The following GP2 variants were observed in gnomAD, a reference collection of about 807,000 sequenced individuals.
GP2 encodes pancreatic secretory granule membrane major glycoprotein GP2.
GP2 carries 58 observed loss-of-function variants against 60.8 expected under a neutral mutation model. The ratio of observed to expected loss-of-function variants is 0.95; its 90% CI spans 0.77 to 1.19. The LOEUF is 1.19. GP2 is among the 50% of genes most tolerant of loss of function. GP2 has a pLI of 0.00. For missense variants in GP2, 647 were observed against 667.4 expected (o/e 0.97, Z 0.34); for synonymous variants, 280 against 253.4 (o/e 1.10, Z -1.00).
intron 10 of GP2, among the ~76,000 whole-genome samples, chr16:20,313,420 G>A (rs368197067): frequency 1.2e-4 from 19 of 152,156 alleles, no homozygotes; most frequent in African/African-American, 4.6e-4. Context: ...AGCCTTTTAT[G>A]TACTCTTTCT....
rs201757204 is a variant in GP2, at chr16:20,314,641, T to C, written c.1546+16A>G. 1 of 1,547,332 alleles carries C rather than the reference T, an allele frequency of 6.5e-7. No homozygotes were observed. Among genetic ancestry groups the C allele is most frequent in the Non-Finnish European group, 8.9e-7 (1 of 1,119,028 alleles). On this transcript the variant is annotated intron_variant, in intron 10 of 10. Coordinates refer to ENST00000302555, the MANE Select transcript of GP2 (RefSeq NM_001502.4). ...AGTTGGGAAAGCTGTGGGAAAGGCA[T>C]GAGAAAATGATGTACCTGCAGTGCT...
chr16:20,327,099 G>A (rs1964555489), intron 1 of GP2, among the ~76,000 whole-genome samples: 1 of 152,190 alleles, frequency 6.6e-6, no homozygotes, highest in African/African-American at 2.4e-5. Flanking sequence ...ACCTCTGGAA[G>A]ACTTCAGTGG....
chr16:20,314,877 G>A (rs543863019), intron 9 of GP2, among the ~76,000 whole-genome samples, 176 bp from the exon 10 acceptor site: 13 of 152,282 alleles, frequency 8.5e-5, no homozygotes, highest in East Asian at 5.8e-4. Flanking sequence ...GACACTTTGC[G>A]TGCATCTTAG....
intron 5 of GP2, 36 bp from the exon 6 acceptor site, chr16:20,319,804 G>A: frequency 6.7e-7 from 1 of 1,498,668 alleles, no homozygotes; most frequent in East Asian, 2.3e-5. Flanking sequence ...AGATGTTTAT[G>A]TGTATGTGTA....
At chr16:20,313,113 T>C (rs940451103) in intron 10 of GP2, among the ~76,000 whole-genome samples, 6 of 152,160 alleles carry the variant, frequency 3.9e-5, no homozygotes, top group African/African-American at 1.4e-4. Context: ...AAAGAACCTT[T>C]TCATGTTTGG....
At chr16:20,323,448 A>C in intron 3 of GP2, 1 of 714,894 alleles carries the variant, frequency 1.4e-6, no homozygotes, top group Admixed American at 2.0e-5. Context: ...CAACAAGGAC[A>C]TTGTGAGCAT....
chr16:20,320,241 A>G (rs1292358482), intron 5 of GP2, 21 bp downstream of exon 5: 1 of 1,550,922 alleles, frequency 6.4e-7, no homozygotes, highest in African/African-American at 1.4e-5. Flanking sequence ...TTCTGGCAGC[A>G]GTGGTGTGAA....
chr16:20,326,365 G>C lies in GP2; in HGVS notation c.67C>G (p.Leu23Val). Residue 23 changes from leucine (L) to valine (V), a missense_variant, in exon 2 of 11, where the codon CTG (leucine) becomes GTG (valine). Transcript: ENST00000302555. Reference protein sequence around the residue: ...LLWLALVSCILTQASAVQRGY... With the variant: ...LLWLALVSCIVTQASAVQRGY... The stretch of plus-strand genomic sequence containing the variant: ...CGCTGCACTGCAGATGCCTGGGTCA[G>C]AATGCAGGAGACCAAGGCCAGCCAC... The C allele has an allele frequency of 6.2e-7, 1 of 1,613,770 alleles. No individual in the cohort carries two copies. Among genetic ancestry groups the C allele is most frequent in the Non-Finnish European group, 8.5e-7 (1 of 1,179,656 alleles).
chr16:20,323,403 C>G, intron 3 of GP2: 1 of 718,016 alleles, frequency 1.4e-6, no homozygotes, highest in East Asian at 2.7e-5. Context: ...GGGAGAGGAT[C>G]AAATGAGTTA....
rs1401513531 is a variant in GP2, at chr16:20,317,390, G to A, written c.1254-15C>T. The A allele has an allele frequency of 1.2e-6, 2 of 1,608,576 alleles. No homozygotes were observed. Among genetic ancestry groups the A allele is most frequent in the Admixed American group, 3.3e-5 (2 of 59,806 alleles). Reference sequence around the variant, plus strand: ...GATTTGAGCAGCTGGGAGGGTGACAGGGGCAAAGGTGTAACTTCTAAAAAC... The same window carrying A: ...GATTTGAGCAGCTGGGAGGGTGACAAGGGCAAAGGTGTAACTTCTAAAAAC... On this transcript the variant is annotated splice_polypyrimidine_tract_variant and intron_variant, in intron 7 of 10. Coordinates refer to ENST00000302555, the MANE Select transcript of GP2 (RefSeq NM_001502.4).
At chr16:20,312,656 C>CT (rs200478553) in intron 10 of GP2, among the ~76,000 whole-genome samples, 15,514 of 144,360 alleles carry the variant, frequency 0.11, 1,883 homozygotes, top group African/African-American at 0.31. Context: ...CTTCAAGCTG[C>CT]TTTTTTTTTT....
intron 4 of GP2, among the ~76,000 whole-genome samples, chr16:20,321,051 C>CT (rs34930372): frequency 0.32 from 43,323 of 135,720 alleles, 8,409 homozygotes; most frequent in Non-Finnish European, 0.45. Context: ...CTCTGTCTCT[C>CT]TTTTTTTTTT....
rs1963968656 is a variant in GP2 at position 20,310,670 on chromosome 16, A to G, written c.*553T>C. 6.5e-6 allele frequency: 1 copy of G among 152,734 alleles called. No individual in the cohort carries two copies. Among genetic ancestry groups the G allele is most frequent in the African/African-American group, 2.4e-5 (1 of 41,424 alleles). The allele number at this position is 152,734 out of a possible 1,614,324, so 9.5% of individuals were successfully genotyped here. On this transcript the variant is annotated 3_prime_UTR_variant, in exon 11 of 11. Transcript: ENST00000302555. ...AAGGCTGGAGCCACAGAGGGCACCT[A>G]GCAAGCTTGCTTTCAAGGTCCCATC...
In GP2 at chr16:20,311,035, G is replaced by T; in HGVS notation, c.*188C>A. The T allele has an allele frequency of 2.1e-6, 1 of 481,210 alleles. No individual in the cohort carries two copies. The highest frequency in any genetic ancestry group is 3.9e-6 in the Non-Finnish European group (1 of 259,326). 29.8% of individuals were successfully genotyped at this position (481,210 alleles called of 1,614,324 possible). A position where few individuals can be genotyped will look rare whatever the true frequency, so the allele number is the denominator to read the frequency against. On this transcript the variant is annotated 3_prime_UTR_variant, in exon 11 of 11. Coordinates refer to ENST00000302555, the MANE Select transcript of GP2 (RefSeq NM_001502.4). ...GCCTCCCAAAATGCTGGGATTACAG[G>T]CATGAGCCACTGCGCCCAGCCGAGA...
At position 20,309,877 on chromosome 16, in the gene GP2, T is replaced by C. The variant is rs1161571226; in HGVS notation, c.*1346A>G. On this transcript the variant is annotated 3_prime_UTR_variant, in exon 11 of 11. Coordinates refer to ENST00000302555, the MANE Select transcript of GP2 (RefSeq NM_001502.4). ...GTTTCTGTTTCTTGCAACTACACCATCTCTGAACAAGGCAGCACATTGGAA... is the reference window on the plus strand; with the variant it reads ...GTTTCTGTTTCTTGCAACTACACCACCTCTGAACAAGGCAGCACATTGGAA... 1 of 152,042 alleles carries C rather than the reference T, an allele frequency of 6.6e-6. No individual in the cohort carries two copies. Among genetic ancestry groups the C allele is most frequent in the Non-Finnish European group, 1.5e-5 (1 of 68,038 alleles). The allele number at this position is 152,042 out of a possible 1,614,324, so 9.4% of individuals were successfully genotyped here.
chr16:20,321,054 T>C (rs938577034), intron 4 of GP2, among the ~76,000 whole-genome samples: 6 of 150,056 alleles, frequency 4.0e-5, no homozygotes, highest in African/African-American at 1.2e-4. Flanking sequence ...TGTCTCTCTT[T>C]TTTTTTTTTT....
At chr16:20,318,901 T>G (rs76083341) in intron 6 of GP2, among the ~76,000 whole-genome samples, 3 of 152,132 alleles carry the variant, frequency 2.0e-5, no homozygotes, top group Non-Finnish European at 4.4e-5. Context: ...CTAATCCTTC[T>G]GATCCTGTTG....
chr16:20,327,402 T>C (rs529715350), intron 1 of GP2, 65 bp downstream of exon 1: 230 of 1,136,336 alleles, frequency 2.0e-4, no homozygotes, highest in Admixed American at 1.6e-3. Context: ...AATCCTAGCA[T>C]GTCCAGTGGA....
intron 4 of GP2, among the ~76,000 whole-genome samples, chr16:20,322,198 A>C (rs773947011): frequency 5.3e-4 from 81 of 152,220 alleles, no homozygotes; most frequent in Admixed American, 9.2e-4. Flanking sequence ...GCTCAGAGGA[A>C]GGCATGCTTG....
Sources: allele counts gnomAD v4.1 joint callset (sites outside exome capture counted in the v4.1 genomes callset), GRCh38; gene constraint gnomAD v4.1.1; transcripts MANE v1.5; gene names NCBI Gene and HGNC (gene_info 2026-07-23, HGNC 2026-07-21).